PDCL2: variants seen among roughly 807,000 people sequenced by gnomAD.
The protein encoded by PDCL2 is phosducin-like protein 2.
PDCL2 carries 23 observed loss-of-function variants against 30.3 expected under a neutral mutation model. The observed-to-expected ratio is 0.76, with a 90% CI of 0.55 to 1.08. The LOEUF (loss-of-function observed/expected upper bound fraction) is 1.08. Among genes scored for constraint, PDCL2 ranks in the 50% least tolerant of loss-of-function variants. The pLI is 0.00. For synonymous variants in PDCL2, 68 were observed against 86.2 expected (o/e 0.79, Z 1.17); for missense variants, 243 against 282.3 (o/e 0.86, Z 1.00).
chr4:55,560,842 C>T (rs1251107193), intron 5 of PDCL2, among the ~76,000 whole-genome samples: 4 of 152,106 alleles, frequency 2.6e-5, no homozygotes, highest in Non-Finnish European at 4.4e-5. Flanking sequence ...TTTGCCCCTT[C>T]CACCACGTAA....
At chr4:55,583,977 A>C (rs552860405) in intron 1 of PDCL2, among the ~76,000 whole-genome samples, 1 of 152,324 alleles carries the variant, frequency 6.6e-6, no homozygotes, top group African/African-American at 2.4e-5. Flanking sequence ...GACTATATGG[A>C]ATCTACAGAT....
rs1182627270 is a variant in PDCL2 at position 55,569,754 on chromosome 4, T to G, written c.326A>C (p.Glu109Ala). Residue 109 changes from glutamate (E) to alanine (A), a missense_variant, in exon 4 of 6, where the codon GAA becomes GCA. Transcript: ENST00000295645. ...QYVNEVTNAEEDVWVIIHLYR... is the reference protein window; with the variant it reads ...QYVNEVTNAEADVWVIIHLYR... ...TAGATGAATTATAACCCACACATCT[T>G]CTTCTGCATTTGTGACTTCATTCAC... The G allele has an allele frequency of 1.3e-6, 2 of 1,563,306 alleles. No individual in the cohort carries two copies. The highest frequency in any genetic ancestry group is 1.7e-6 in the Non-Finnish European group (2 of 1,153,328).
intron 1 of PDCL2, among the ~76,000 whole-genome samples, chr4:55,584,400 GT>G (rs1732806887): frequency 6.6e-6 from 1 of 152,048 alleles, no homozygotes; most frequent in Non-Finnish European, 1.5e-5. Context: ...GGGACTACAG[GT>G]GCCTACCACC....
chr4:55,556,583 A>G lies in PDCL2; in HGVS notation c.700T>C (p.Ser234Pro). The G allele has an allele frequency of 1.3e-6, 2 of 1,568,582 alleles. No individual in the cohort carries two copies. The highest frequency in any genetic ancestry group is 2.3e-5 in the East Asian group (1 of 43,774). ...NTSIHDDSDS[S>P]NSDNDTK Reference sequence around the variant, plus strand: ...TATTTGGTATCATTATCACTGTTGGAGCTATCACTGTCATCATGAATAGAA... The same window carrying G: ...TATTTGGTATCATTATCACTGTTGGGGCTATCACTGTCATCATGAATAGAA... Residue 234 changes from serine to proline, a missense_variant, in exon 6 of 6, where the codon TCC becomes CCC. Physicochemically the swap from Ser to Pro is moderately conservative, Grantham distance 74. Transcript: ENST00000295645.
chr4:55,582,271 G>T, intron 1 of PDCL2, 34 bp from the exon 2 acceptor site: 1 of 1,554,988 alleles, frequency 6.4e-7, no homozygotes, highest in East Asian at 2.3e-5. Flanking sequence ...AAATTAACAT[G>T]GTTGTACACT....
chr4:55,561,972 A>G (rs114674479), intron 5 of PDCL2, among the ~76,000 whole-genome samples: 37 of 152,348 alleles, frequency 2.4e-4, no homozygotes, highest in Non-Finnish European at 4.9e-4. Flanking sequence ...TAAAAATTGA[A>G]CAGACTCATG....
chr4:55,577,009 T>G lies in PDCL2; in HGVS notation c.218+3812A>C, dbSNP rs867895734. ...GCCTCCCAGATTCAAGCAATTCTCC[T>G]GCCTCAGCCTCCCGAGTAGGTGGGA... On this transcript the variant is annotated intron_variant, in intron 3 of 5. Transcript: ENST00000295645. 7.9e-5 allele frequency among the ~76,000 whole-genome samples: 12 copies of G among 152,130 alleles called. 1 individual carries two copies. Among genetic ancestry groups the G allele is most frequent in the African/African-American group, 2.9e-4 (12 of 41,502 alleles).
intron 5 of PDCL2, among the ~76,000 whole-genome samples, chr4:55,561,333 G>T (rs939281424): frequency 2.0e-5 from 3 of 152,024 alleles, no homozygotes; most frequent in Non-Finnish European, 2.9e-5. Context: ...AGGCTGAGGC[G>T]GGCGGATCTC....
chr4:55,592,076 G>A (rs755237424), intron 1 of PDCL2, 28 bp downstream of exon 1: 8 of 1,608,642 alleles, frequency 5.0e-6, no homozygotes, highest in Non-Finnish European at 6.8e-6. Context: ...GGGTGTTCCA[G>A]GGTGGCTCGG....
At position 55,569,718 on chromosome 4, in the gene PDCL2, C is replaced by A. The variant is rs1732370211; in HGVS notation, c.362G>T (p.Ser121Ile). Residue 121 changes from serine (S) to isoleucine (I), a missense_variant and splice_region_variant, in exon 4 of 6, where the codon AGC becomes ATC. Ser to Ile is a moderately radical substitution (Grantham distance 142). Transcript: ENST00000295645. The part of the protein sequence containing the change: ...VWVIIHLYRS[S>I]IPMCLLVNQH... ...CATTTTGAAATATTATGGTAATTACCTTGATCTGTATAGATGAATTATAAC... is the reference window on the plus strand; with the variant it reads ...CATTTTGAAATATTATGGTAATTACATTGATCTGTATAGATGAATTATAAC... The A allele has an allele frequency of 6.6e-7, 1 of 1,516,510 alleles. No homozygotes were observed. Among genetic ancestry groups the A allele is most frequent in the Non-Finnish European group, 8.8e-7 (1 of 1,132,976 alleles). 93.9% of individuals were successfully genotyped at this position (1,516,510 alleles called of 1,614,324 possible).
chr4:55,576,217 A>G (rs1240757274), intron 3 of PDCL2, among the ~76,000 whole-genome samples: 1 of 152,040 alleles, frequency 6.6e-6, no homozygotes, highest in African/African-American at 2.4e-5. Context: ...TAGCCTCCTG[A>G]GTAGCTGGGA....
chr4:55,559,108 A>T (rs1732058011), intron 5 of PDCL2, among the ~76,000 whole-genome samples: 1 of 152,228 alleles, frequency 6.6e-6, no homozygotes. Flanking sequence ...TTGACCAAAA[A>T]ACCAATAGTC....
chr4:55,569,604 A>G, intron 4 of PDCL2, 114 bp downstream of exon 4: 1 of 575,978 alleles, frequency 1.7e-6, no homozygotes, highest in South Asian at 5.4e-5. Flanking sequence ...ATATGTGTGC[A>G]ATATATAGTT....
chr4:55,565,669 G>T (rs1732241833), intron 4 of PDCL2, among the ~76,000 whole-genome samples: 1 of 152,134 alleles, frequency 6.6e-6, no homozygotes, highest in Non-Finnish European at 1.5e-5. Context: ...ACCATATCAA[G>T]GATCATTTTC....
At chr4:55,571,601 C>T (rs190937177) in intron 3 of PDCL2, among the ~76,000 whole-genome samples, 4 of 31,708 alleles carry the variant, frequency 1.3e-4, no homozygotes, top group South Asian at 7.3e-4. Flanking sequence ...GCAGGAGAAT[C>T]ACTTGAACCC....
intron 3 of PDCL2, among the ~76,000 whole-genome samples, chr4:55,579,408 C>A (rs986330725): frequency 6.6e-6 from 1 of 152,230 alleles, no homozygotes; most frequent in Middle Eastern, 3.4e-3. Flanking sequence ...TGGCTCACTG[C>A]AACCTCCACC....
chr4:55,573,967 C>T (rs956327036), intron 3 of PDCL2, among the ~76,000 whole-genome samples: 7 of 151,462 alleles, frequency 4.6e-5, no homozygotes, highest in Non-Finnish European at 1.0e-4. Flanking sequence ...GGTCTCGGCT[C>T]ACTGCAACCT....
chr4:55,589,922 C>T (rs6813118), intron 1 of PDCL2, among the ~76,000 whole-genome samples: 2,059 of 152,024 alleles, frequency 0.014, 43 homozygotes, highest in African/African-American at 0.047. Context: ...GGCAGCCAGG[C>T]GCAGTGACTC....
chr4:55,563,639 T>C (rs983693762), intron 4 of PDCL2, among the ~76,000 whole-genome samples: 4 of 152,178 alleles, frequency 2.6e-5, no homozygotes, highest in African/African-American at 4.8e-5. Flanking sequence ...TATTAACATG[T>C]ACATGAGAGA....
Sources: gnomAD v4.1 joint callset for allele counts (sites outside exome capture counted in the v4.1 genomes callset) on GRCh38, gnomAD v4.1.1 for gene constraint, MANE v1.5 for transcripts, NCBI Gene and HGNC (gene_info 2026-07-23, HGNC 2026-07-21) for gene names.